LRBA: variants seen among roughly 807,000 people sequenced by gnomAD.
The protein encoded by LRBA is LPS responsive beige-like anchor protein.
LRBA carries 176 observed loss-of-function variants against 330.0 expected under a neutral mutation model. That is an observed-to-expected ratio of 0.53 (90% CI 0.47 to 0.60). The LOEUF is 0.60. Among genes scored for constraint, LRBA ranks in the 20% least tolerant of loss-of-function variants. LRBA has a pLI of 0.00. For missense variants in LRBA, 3,259 were observed against 3,444.8 expected, an observed-to-expected ratio of 0.95 and a Z score of 1.35; for synonymous variants, 1,230 against 1,193.0, an observed-to-expected ratio of 1.03 and a Z score of -0.64.
intron 37 of LRBA, among the ~76,000 whole-genome samples, chr4:150,633,069 T>C (rs1013923306): frequency 2.0e-5 from 3 of 152,234 alleles, no homozygotes; most frequent in Non-Finnish European, 4.4e-5. Flanking sequence ...TAGAGCCATA[T>C]ATCTAAATGT....
At chr4:151,002,602 T>G (rs1312987465) in intron 2 of LRBA, among the ~76,000 whole-genome samples, 1 of 143,090 alleles carries the variant, frequency 7.0e-6, no homozygotes, top group Non-Finnish European at 1.5e-5. Flanking sequence ...ATAAGCTCAG[T>G]GAGAGACACA....
chr4:150,538,538 A>G (rs1231938898), intron 40 of LRBA, among the ~76,000 whole-genome samples: 1 of 152,224 alleles, frequency 6.6e-6, no homozygotes, highest in Non-Finnish European at 1.5e-5. Flanking sequence ...ATGCAGGAAC[A>G]GAAAACCAAA....
intron 44 of LRBA, among the ~76,000 whole-genome samples, chr4:150,443,861 T>TAC (rs1752201115): frequency 1.7e-5 from 1 of 57,224 alleles, no homozygotes; most frequent in African/African-American, 4.7e-5. Flanking sequence ...AAAATATATA[T>TAC]ATATATATAT....
chr4:150,990,938 T>TTGAACCAGGGAAGCGC (rs1742000665), intron 2 of LRBA, among the ~76,000 whole-genome samples: 1 of 151,662 alleles, frequency 6.6e-6, no homozygotes, highest in Non-Finnish European at 1.5e-5. Flanking sequence ...CAAGAATCAC[T>TTGAACCAGGGAAGCGC]TGAACCAGGG....
intron 37 of LRBA, among the ~76,000 whole-genome samples, chr4:150,677,994 C>G (rs954479910): frequency 1.3e-4 from 20 of 151,954 alleles, no homozygotes; most frequent in African/African-American, 4.8e-4. Flanking sequence ...AATCCTAGCA[C>G]TTTGGGAGGC....
At chr4:150,477,834 T>C (rs1465576182) in intron 42 of LRBA, among the ~76,000 whole-genome samples, 1 of 152,078 alleles carries the variant, frequency 6.6e-6, no homozygotes, top group Non-Finnish European at 1.5e-5. Flanking sequence ...ACCATGATTG[T>C]AAGTTTCCTG....
Position 150,461,443 on chromosome 4 carries a change from T to C in LRBA, c.6780+6230A>G, listed in dbSNP as rs550322926. On this transcript the variant is annotated intron_variant, in intron 44 of 56. Coordinates refer to ENST00000651943, the MANE Select transcript of LRBA (RefSeq NM_001364905.1). ...TATGCTACGGTATCCCATTCATTTT[T>C]TAAAAACGCAATTGTGAGCTACAGG... 2.6e-5 allele frequency among the ~76,000 whole-genome samples: 4 copies of C among 151,950 alleles called. No individual in the cohort carries two copies. The South Asian group carries it at 8.3e-4, about 32-fold the overall frequency.
intron 47 of LRBA, among the ~76,000 whole-genome samples, chr4:150,373,804 C>T (rs961563006): frequency 6.6e-6 from 1 of 152,008 alleles, no homozygotes; most frequent in Admixed American, 6.6e-5. Flanking sequence ...GTTTATATTT[C>T]AACCTTACCT....
intron 11 of LRBA, among the ~76,000 whole-genome samples, chr4:150,907,254 G>C (rs1579163561): frequency 1.1e-5 from 1 of 90,150 alleles, no homozygotes; most frequent in South Asian, 6.2e-4. Flanking sequence ...GGAGAGGGGA[G>C]GGAGGGAAGA....
At chr4:150,447,408 G>A (rs1752749134) in intron 44 of LRBA, among the ~76,000 whole-genome samples, 1 of 152,140 alleles carries the variant, frequency 6.6e-6, no homozygotes, top group African/African-American at 2.4e-5. Context: ...GAGAAAGGAG[G>A]AATTTGCCCT....
rs111510109 is a variant in LRBA at position 150,799,320 on chromosome 4, T to A, written c.5519-1178A>T. ...TTAGGAAGCAAATTATTAACTACAG[T>A]GTGATTTCTGTAGGGCGAAGATGAA... On this transcript the variant is annotated intron_variant, in intron 33 of 56. Coordinates refer to ENST00000651943, the MANE Select transcript of LRBA (RefSeq NM_001364905.1). Among the ~76,000 whole-genome samples, 1,320 of 152,288 alleles carry A rather than the reference T, an allele frequency of 8.7e-3. 22 individuals are homozygous for A. The highest frequency in any genetic ancestry group is 0.028 in the African/African-American group (1,163 of 41,548).
At chr4:151,007,628 T>C (rs771527866) in intron 2 of LRBA, among the ~76,000 whole-genome samples, 2 of 151,340 alleles carry the variant, frequency 1.3e-5, no homozygotes, top group Non-Finnish European at 2.9e-5. Context: ...GAGGCCGAGA[T>C]AGGCGGATCA....
intron 40 of LRBA, among the ~76,000 whole-genome samples, chr4:150,561,983 T>A (rs1581683602): frequency 6.6e-6 from 1 of 152,288 alleles, no homozygotes; most frequent in African/African-American, 2.4e-5. Flanking sequence ...ATGTTCTATC[T>A]ATTATCTATT....
chr4:150,552,409 C>A (rs1194315310), intron 40 of LRBA, among the ~76,000 whole-genome samples: 1 of 152,136 alleles, frequency 6.6e-6, no homozygotes, highest in Non-Finnish European at 1.5e-5. Context: ...CTCACCATCA[C>A]TGGCCATCAG....
chr4:150,354,815 CTTTCA>C (rs995646556), intron 47 of LRBA, among the ~76,000 whole-genome samples: 3 of 151,894 alleles, frequency 2.0e-5, no homozygotes, highest in Non-Finnish European at 2.9e-5. Context: ...TTATTACTAA[CTTTCA>C]TTTGTTTGTT....
Position 150,985,567 on chromosome 4 carries a change from C to T in LRBA, c.216+28860G>A, listed in dbSNP as rs76248055. Among the ~76,000 whole-genome samples, 23 of 151,312 alleles carry T rather than the reference C, an allele frequency of 1.5e-4. 1 individual carries two copies. In the South Asian group the frequency reaches 4.6e-3, roughly 30 times the overall value. On this transcript the variant is annotated intron_variant, in intron 2 of 56. Transcript: ENST00000651943. ...AGGCTGGAGTGCAGTGGCACCATCT[C>T]GGCTCACTGCAAGTTCCGCCTCCCG...
intron 40 of LRBA, chr4:150,582,720 C>A (rs72959811): frequency 3.6e-6 from 1 of 274,500 alleles, no homozygotes; most frequent in Non-Finnish European, 6.9e-6. Context: ...CCGCTTCTCT[C>A]GCACACGGTC....
intron 17 of LRBA, among the ~76,000 whole-genome samples, chr4:150,881,668 T>C (rs1728405642): frequency 6.6e-6 from 1 of 152,046 alleles, no homozygotes; most frequent in Non-Finnish European, 1.5e-5. Flanking sequence ...GAATCTAAGA[T>C]AAAGGTGGGA....
At chr4:150,780,882 T>C (rs1738129162) in intron 34 of LRBA, among the ~76,000 whole-genome samples, 1 of 151,892 alleles carries the variant, frequency 6.6e-6, no homozygotes, top group African/African-American at 2.4e-5. Flanking sequence ...ATTTTATTTA[T>C]TTATTTATTT....
Sources: allele counts gnomAD v4.1 joint callset (sites outside exome capture counted in the v4.1 genomes callset), GRCh38; gene constraint gnomAD v4.1.1; transcripts MANE v1.5; gene names NCBI Gene and HGNC (gene_info 2026-07-23, HGNC 2026-07-21).